UTP20: variants seen among roughly 807,000 people sequenced by gnomAD.
UTP20 encodes the protein small subunit processome component 20 homolog.
In UTP20, 164 loss-of-function variants were observed where a neutral mutation model predicts 329.5. The ratio of observed to expected loss-of-function variants is 0.50; its 90% confidence interval spans 0.44 to 0.57. UTP20 has a LOEUF of 0.57. Among genes scored for constraint, UTP20 ranks in the 20% least tolerant of loss-of-function variants. The probability of loss-of-function intolerance (pLI) is 0.00; values close to 1 mark genes in which losing one functional copy is unlikely to be tolerated. For missense variants in UTP20, 3,055 were observed against 3,284.2 expected (o/e 0.93, Z 1.71); for synonymous variants, 1,151 against 1,159.3 (o/e 0.99, Z 0.14).
At chr12:101,303,426 T>A (rs902183648) in intron 15 of UTP20, among the ~76,000 whole-genome samples, 1 of 151,852 alleles carries the variant, frequency 6.6e-6, no homozygotes, top group Non-Finnish European at 1.5e-5. Context: ...TAAATCAAGG[T>A]GAACTTACTG....
At position 101,363,782 on chromosome 12, in the gene UTP20, C is replaced by T. The variant is rs183194711; in HGVS notation, c.5958+39C>T. On this transcript the variant is annotated intron_variant, in intron 45 of 61. Transcript: ENST00000261637. The stretch of plus-strand genomic sequence containing the variant: ...TGCAATTCTGGAGATCACAGCATTA[C>T]AATCTCATGAGTTCCTAAAAGGAAC... 48 of 1,350,432 alleles carry T rather than the reference C, an allele frequency of 3.6e-5. 1 individual carries two copies. In the East Asian group the frequency reaches 8.3e-4, roughly 23 times the overall value. 83.7% of individuals were successfully genotyped at this position (1,350,432 alleles called of 1,614,324 possible).
In UTP20 at chr12:101,372,939, T is replaced by G. The variant is rs762377711; in HGVS notation, c.6854T>G (p.Leu2285Trp). 53 of 1,614,162 alleles carry G rather than the reference T, an allele frequency of 3.3e-5. 1 individual carries two copies. The South Asian group carries it at 4.8e-4, about 15-fold the overall frequency. ...CTGGGTGACAAATTGAGACCAAACT[T>G]GGAATTCATGCTCGCTCAACTGAAG... The part of the protein sequence containing the change: ...YPLGDKLRPN[L>W]EFMLAQLNYE... The change falls in exon 52 of 62, where the codon TTG (leucine) becomes TGG (tryptophan). Residue 2285 changes from leucine (L) to tryptophan (W), a missense_variant. Leu to Trp is a moderately conservative substitution (Grantham distance 61, BLOSUM62 -2). This residue lies in a region of UTP20 where 273 missense variants were observed against 363.1 expected (regional missense o/e 0.75). Transcript: ENST00000261637.
chr12:101,338,273 C>T lies in UTP20; in HGVS notation c.3864C>T (p.Ile1288=), dbSNP rs73378739. 2.4e-3 allele frequency: 3,927 copies of T among 1,613,648 alleles called. 86 individuals carry two copies. In the African/African-American group the frequency reaches 0.044, roughly 18 times the overall value. ...GCVYPGIAEN[I]GESITIGGRL... ...TATACCCTGGCATAGCAGAAAACAT[C>T]GGTGGTATGTATGCTGACAAAGCAG... is the stretch of plus-strand genomic sequence containing the variant. Residue 1288 remains isoleucine, a synonymous_variant, in exon 30 of 62, where the codon ATC becomes ATT. Transcript: ENST00000261637.
In UTP20 at chr12:101,329,255, G is replaced by T; in HGVS notation, c.3223G>T (p.Ala1075Ser). 2 of 1,614,068 alleles carry T rather than the reference G, an allele frequency of 1.2e-6. No individual in the cohort carries two copies. ...RHFKNGECHS[A>S]VIQAVEDLDL... is the part of the protein sequence containing the mutation. ...TGTTTCACTAGGAGAGTGCCATTCT[G>T]CAGTCATTCAAGCAGTAGAAGACTT... is the stretch of plus-strand genomic sequence containing the variant. Residue 1075 changes from alanine (A) to serine (S), a missense_variant, in exon 27 of 62, where the codon GCA (alanine) becomes TCA (serine). By Grantham distance (99) the Ala-to-Ser change is moderately conservative (BLOSUM62 1). This residue lies in a region of UTP20 where 2,445 missense variants were observed against 2,575.5 expected (regional missense o/e 0.95). Transcript: ENST00000261637.
chr12:101,364,311 C>G (rs2121007446), intron 45 of UTP20, among the ~76,000 whole-genome samples: 1 of 152,194 alleles, frequency 6.6e-6, no homozygotes, highest in South Asian at 2.1e-4. Context: ...TATTAGAAAG[C>G]CTTTGGACAA....
intron 12 of UTP20, 125 bp from the exon 13 acceptor site, chr12:101,299,557 A>G (rs1244998747): frequency 6.9e-6 from 6 of 870,798 alleles, no homozygotes; most frequent in East Asian, 5.4e-5. Context: ...GTTTAGCTCA[A>G]CCACCACCAC....
chr12:101,378,521 C>A (rs973204412), intron 56 of UTP20, among the ~76,000 whole-genome samples: 4 of 152,040 alleles, frequency 2.6e-5, no homozygotes, highest in Admixed American at 6.5e-5. Context: ...GAGTTTGAGA[C>A]CAGCCTGACC....
intron 17 of UTP20, 32 bp from the exon 18 acceptor site, chr12:101,308,153 G>A (rs755837748): frequency 1.6e-5 from 23 of 1,478,660 alleles, no homozygotes; most frequent in African/African-American, 1.3e-4. Flanking sequence ...AATACTGACT[G>A]GTCTTCTCCA....
Position 101,366,606 on chromosome 12 carries a change from C to A in UTP20, c.6174C>A (p.Cys2058Ter). 6.2e-7 allele frequency: 1 copy of A among 1,614,180 alleles called. No homozygotes were observed. The highest frequency in any genetic ancestry group is 8.5e-7 in the Non-Finnish European group (1 of 1,180,034). The change falls in exon 47 of 62, where the codon TGC becomes TGA. Residue 2058 changes from cysteine (C) to a stop codon, truncating the protein, a stop_gained. Transcript: ENST00000261637. LOFTEE classifies it high-confidence loss of function. Reference sequence around the variant, plus strand: ...ATCCACGTCTACCACCCCAGAGCTGCCTTCTGCTTCCCCCAACTCCAGTTC... The same window carrying A: ...ATCCACGTCTACCACCCCAGAGCTGACTTCTGCTTCCCCCAACTCCAGTTC... ...APDPRLPPQS[C>*]LLLPPTPVRG...
intron 25 of UTP20, among the ~76,000 whole-genome samples, chr12:101,324,349 C>T (rs1187310577): frequency 2.6e-5 from 4 of 151,770 alleles, no homozygotes; most frequent in African/African-American, 9.7e-5. Flanking sequence ...GCGATCCTCC[C>T]GCCTCAGCTC....
At chr12:101,284,240 C>T (rs1034562648) in intron 2 of UTP20, among the ~76,000 whole-genome samples, 1 of 152,058 alleles carries the variant, frequency 6.6e-6, no homozygotes, top group Non-Finnish European at 1.5e-5. Flanking sequence ...AACCCATCCC[C>T]ACTTCCTCCA....
chr12:101,328,818 G>A (rs1256636594), intron 26 of UTP20, among the ~76,000 whole-genome samples: 1 of 150,038 alleles, frequency 6.7e-6, no homozygotes, highest in South Asian at 2.1e-4. Context: ...GCAGTGAGCC[G>A]AGATCGCCCC....
chr12:101,342,724 G>A, intron 33 of UTP20, 63 bp from the exon 34 acceptor site: 1 of 1,556,408 alleles, frequency 6.4e-7, no homozygotes, highest in Non-Finnish European at 8.8e-7. Context: ...GTAGCTGAGG[G>A]GAGGAGGGCA....
intron 39 of UTP20, among the ~76,000 whole-genome samples, 158 bp from the exon 40 acceptor site, chr12:101,352,889 T>G (rs1312896100): frequency 6.6e-6 from 1 of 152,128 alleles, no homozygotes; most frequent in Non-Finnish European, 1.5e-5. Context: ...CAATTTACTT[T>G]TATCTTGTAT....
chr12:101,330,574 G>A (rs1399737910), intron 27 of UTP20, among the ~76,000 whole-genome samples: 1 of 152,206 alleles, frequency 6.6e-6, no homozygotes, highest in Admixed American at 6.5e-5. Context: ...GCAGAAAAGA[G>A]GTCTTAGAAA....
At chr12:101,287,242 C>T (rs570153130) in intron 5 of UTP20, among the ~76,000 whole-genome samples, 9 of 152,292 alleles carry the variant, frequency 5.9e-5, no homozygotes, top group African/African-American at 1.9e-4. Flanking sequence ...CTCAGCCCAC[C>T]GTTCTCTTTT....
At chr12:101,318,820 G>A (rs1873056887) in intron 22 of UTP20, among the ~76,000 whole-genome samples, 2 of 125,300 alleles carry the variant, frequency 1.6e-5, no homozygotes, top group Admixed American at 9.4e-5. Flanking sequence ...CACAGATTGA[G>A]ACTCCATCTT....
At position 101,354,834 on chromosome 12, in the gene UTP20, G is replaced by A. The variant is rs772682870; in HGVS notation, c.5110G>A (p.Ala1704Thr). 1.5e-5 allele frequency: 24 copies of A among 1,611,260 alleles called. No individual in the cohort carries two copies. Among genetic ancestry groups the A allele is most frequent in the Admixed American group, 3.4e-5 (2 of 59,660 alleles). The part of the protein sequence containing the change: ...QMGKIENEEN[A>T]IEAIELPEPE... ...CTTTTGTTGTTTATTAAACATAGACGCAATTGAAGCAATTGAGTTACCAGA... is the reference window on the plus strand; with the variant it reads ...CTTTTGTTGTTTATTAAACATAGACACAATTGAAGCAATTGAGTTACCAGA... Residue 1704 changes from alanine (A) to threonine (T), a missense_variant and splice_region_variant, in exon 41 of 62, where the codon GCA becomes ACA. Ala to Thr is a moderately conservative substitution (Grantham distance 58). Coordinates refer to ENST00000261637, the MANE Select transcript of UTP20 (RefSeq NM_014503.3).
intron 60 of UTP20, 117 bp downstream of exon 60, chr12:101,383,786 A>G: frequency 2.0e-6 from 1 of 497,690 alleles, no homozygotes; most frequent in Middle Eastern, 6.9e-4. Context: ...ATTTTTATTT[A>G]TATATATATT....
Sources: allele counts gnomAD v4.1 joint callset (sites outside exome capture counted in the v4.1 genomes callset), GRCh38; gene constraint gnomAD v4.1.1; regional missense constraint gnomAD v4.1.1; transcripts MANE v1.5; gene names NCBI Gene and HGNC (gene_info 2026-07-23, HGNC 2026-07-21).